SNX30: variants seen among roughly 807,000 people sequenced by gnomAD.
The protein encoded by SNX30 is sorting nexin-30.
Under a neutral mutation model 46.4 loss-of-function variants are expected in SNX30, and 24 were observed. The observed-to-expected ratio is 0.52, with a 90% confidence interval of 0.37 to 0.73. The LOEUF (loss-of-function observed/expected upper bound fraction) is 0.73, where lower values mean the gene tolerates loss of function less well. SNX30 is among the 30% of genes least tolerant of loss of function. The pLI is 0.00. For synonymous variants in SNX30, 189 were observed against 211.5 expected, an observed-to-expected ratio of 0.89 and a Z score of 0.92; for missense variants, 533 against 555.7, an observed-to-expected ratio of 0.96 and a Z score of 0.41.
At chr9:112,865,011 A>C (rs1588143230) in intron 8 of SNX30, among the ~76,000 whole-genome samples, 1 of 149,460 alleles carries the variant, frequency 6.7e-6, no homozygotes, top group African/African-American at 2.5e-5. Context: ...ACACCCACAC[A>C]CCCCACTACC....
intron 2 of SNX30, among the ~76,000 whole-genome samples, chr9:112,816,105 T>C (rs1379370290): frequency 1.3e-5 from 2 of 152,020 alleles, no homozygotes; most frequent in Non-Finnish European, 2.9e-5. Context: ...CTTGGCCTCT[T>C]AAAGGGCTGG....
chr9:112,756,633 G>A (rs1490364385), intron 1 of SNX30, among the ~76,000 whole-genome samples: 2 of 151,826 alleles, frequency 1.3e-5, no homozygotes, highest in East Asian at 1.9e-4. Context: ...GCTAATTTTT[G>A]TATTTTTAGT....
At chr9:112,877,201 GT>G (rs1265816605), downstream of SNX30, 5 of 152,134 alleles carry the variant, frequency 3.3e-5, no homozygotes, top group African/African-American at 1.2e-4. Context: ...AGCTGACAAG[GT>G]TTGAAACTCC....
chr9:112,806,685 T>TGAAG (rs1279331254), intron 2 of SNX30, among the ~76,000 whole-genome samples: 2 of 152,340 alleles, frequency 1.3e-5, no homozygotes, highest in African/African-American at 2.4e-5. Context: ...GAAGCGATGC[T>TGAAG]GAAGGCCACA....
intron 1 of SNX30, among the ~76,000 whole-genome samples, chr9:112,755,384 G>A (rs1461898600): frequency 6.6e-6 from 1 of 152,100 alleles, no homozygotes; most frequent in Non-Finnish European, 1.5e-5. Flanking sequence ...CAGGTAGAGT[G>A]AGCATTGGAG....
At chr9:112,833,791 T>G (rs1052635330) in intron 4 of SNX30, among the ~76,000 whole-genome samples, 1 of 152,202 alleles carries the variant, frequency 6.6e-6, no homozygotes. Flanking sequence ...GCTTCAGTTA[T>G]AGTCTTGTGA....
intron 1 of SNX30, among the ~76,000 whole-genome samples, chr9:112,773,248 G>A (rs879838326): frequency 1.3e-5 from 2 of 152,140 alleles, no homozygotes; most frequent in African/African-American, 4.8e-5. Context: ...TCCATAAAAT[G>A]GGGTTAATAA....
intron 1 of SNX30, among the ~76,000 whole-genome samples, chr9:112,752,097 C>G (rs1327469970): frequency 2.0e-5 from 3 of 152,118 alleles, no homozygotes; most frequent in Non-Finnish European, 4.4e-5. Context: ...TCCCCCTTGT[C>G]CCAATATTAA....
chr9:112,822,856 C>T (rs62576414), intron 3 of SNX30, among the ~76,000 whole-genome samples: 1 of 152,258 alleles, frequency 6.6e-6, no homozygotes, highest in East Asian at 1.9e-4. Context: ...CATTGCCCAC[C>T]TGTGAGTCCT....
At chr9:112,866,337 A>G in intron 8 of SNX30, 4 of 413,950 alleles carry the variant, frequency 9.7e-6, no homozygotes, top group Non-Finnish European at 1.5e-5. Flanking sequence ...ATTTCATCCG[A>G]GTCTCAGAGA....
intron 6 of SNX30, among the ~76,000 whole-genome samples, chr9:112,843,189 A>T (rs991482617): frequency 1.3e-5 from 2 of 152,224 alleles, no homozygotes; most frequent in African/African-American, 4.8e-5. Context: ...ACACTGCCTT[A>T]TCCATAGAAG....
At chr9:112,884,489 C>T (rs545500961), downstream of SNX30, among the ~76,000 whole-genome samples, 5 of 152,336 alleles carry the variant, frequency 3.3e-5, no homozygotes, top group Admixed American at 6.5e-5. Context: ...AATGGAAACA[C>T]TCCCTTTACA....
chr9:112,833,932 A>C (rs2131450806), intron 4 of SNX30, among the ~76,000 whole-genome samples: 1 of 152,264 alleles, frequency 6.6e-6, no homozygotes, highest in South Asian at 2.1e-4. Context: ...GAACTAGAGG[A>C]GATTGCTGCT....
chr9:112,866,192 A>T (rs1841339910), intron 8 of SNX30, among the ~76,000 whole-genome samples: 1 of 152,170 alleles, frequency 6.6e-6, no homozygotes, highest in Non-Finnish European at 1.5e-5. Context: ...GTGTTCATCA[A>T]AGGAGCCCAC....
At chr9:112,753,290 G>A (rs950810341) in intron 1 of SNX30, among the ~76,000 whole-genome samples, 1 of 152,210 alleles carries the variant, frequency 6.6e-6, no homozygotes, top group Non-Finnish European at 1.5e-5. Context: ...GGTTAGTGGT[G>A]AAGAAGTCAG....
At chr9:112,828,991 C>T (rs749384844) in intron 3 of SNX30, among the ~76,000 whole-genome samples, 1 of 152,196 alleles carries the variant, frequency 6.6e-6, no homozygotes, top group Non-Finnish European at 1.5e-5. Flanking sequence ...GGACATTTCA[C>T]ATGAATGGAA....
chr9:112,811,227 G>A (rs1403866691), intron 2 of SNX30, among the ~76,000 whole-genome samples: 1 of 152,196 alleles, frequency 6.6e-6, no homozygotes, highest in Admixed American at 6.5e-5. Context: ...GAGGCAGAAT[G>A]GGACTAGCTG....
chr9:112,751,115 GC>G lies in SNX30; in HGVS notation c.117del (p.Ser40AlafsTer5). The stretch of plus-strand genomic sequence containing the variant: ...AGGAGGCCGTGGGTGGTGACAGCAC[GC>G]CCAGCCCGGACCTGCTGATGGCCCG... Reference protein sequence around the residue: ...SEEAVGGDSTPSPDLLMARSF... With the variant: ...SEEAVGGDSTXSPDLLMARSF... On this transcript the variant is annotated frameshift_variant, in exon 1 of 9. Transcript: ENST00000374232. LOFTEE classifies it high-confidence loss of function. The G allele has an allele frequency of 6.6e-7, 1 of 1,519,050 alleles. No individual in the cohort carries two copies. Among genetic ancestry groups the G allele is most frequent in the Admixed American group, 2.1e-5 (1 of 47,874 alleles). 94.1% of individuals were successfully genotyped at this position (1,519,050 alleles called of 1,614,324 possible).
rs372850577 is a variant in SNX30 at position 112,817,781 on chromosome 9, A to G, written c.425A>G (p.Lys142Arg). 6.2e-7 allele frequency: 1 copy of G among 1,613,764 alleles called. No homozygotes were observed. Among genetic ancestry groups the G allele is most frequent in the South Asian group, 1.1e-5 (1 of 91,074 alleles). ...RYQDFDWLRSKLEESQPTHLI... is the reference protein window; with the variant it reads ...RYQDFDWLRSRLEESQPTHLI... ...CAGGATTTTGACTGGTTGAGGAGCA[A>G]ACTGGAAGAATCCCAGCCCACTCAT... The change falls in exon 3 of 9, where the codon AAA becomes AGA. Residue 142 changes from lysine (K) to arginine (R), a missense_variant. Coordinates refer to ENST00000374232, the MANE Select transcript of SNX30 (RefSeq NM_001012994.2).
Sources: allele counts gnomAD v4.1 joint callset (sites outside exome capture counted in the v4.1 genomes callset), GRCh38; gene constraint gnomAD v4.1.1; transcripts MANE v1.5; gene names NCBI Gene and HGNC (gene_info 2026-07-23, HGNC 2026-07-21).